Variants in OR7E24 observed in about 807,000 individuals in gnomAD.
OR7E24 encodes olfactory receptor 7E24.
For synonymous variants in OR7E24, 130 were observed against 157.5 expected, an observed-to-expected ratio of 0.83 and a Z score of 1.31; for missense variants, 385 against 410.3, an observed-to-expected ratio of 0.94 and a Z score of 0.53.
the OR7E24 span, among the ~76,000 whole-genome samples, chr19:9,238,123 A>C: frequency 6.6e-6 from 1 of 152,178 alleles, no homozygotes; most frequent in African/African-American, 2.4e-5. Context: ...ATAAAACAAA[A>C]ATTAACCAGG....
the OR7E24 span, chr19:9,235,092 A>T: frequency 1.5e-6 from 1 of 667,962 alleles, no homozygotes; most frequent in Non-Finnish European, 2.6e-6. Context: ...GTGATATTGA[A>T]GAGTGATTGA....
the OR7E24 span, among the ~76,000 whole-genome samples, chr19:9,230,519 C>T: frequency 6.6e-6 from 1 of 152,196 alleles, no homozygotes; most frequent in Non-Finnish European, 1.5e-5. Flanking sequence ...TCTCCACTCT[C>T]TGCCATAAAC....
the OR7E24 span, chr19:9,207,290 T>C: frequency 6.6e-6 from 1 of 152,220 alleles, no homozygotes; most frequent in Non-Finnish European, 1.5e-5. Flanking sequence ...TTTTTAAAAA[T>C]TTGTTTAGTT....
chr19:9,214,228 C>T, the OR7E24 span: 2 of 1,614,144 alleles, frequency 1.2e-6, no homozygotes, highest in South Asian at 2.2e-5. Context: ...CCCAGCAGTG[C>T]CGTGGCCACA....
At chr19:9,243,964 C>G (rs1360534364), upstream of OR7E24, among the ~76,000 whole-genome samples, 7 of 152,190 alleles carry the variant, frequency 4.6e-5, no homozygotes, top group Non-Finnish European at 8.8e-5. Context: ...TGTGCAGGAG[C>G]CTGGTTTCTG....
upstream of OR7E24, among the ~76,000 whole-genome samples, chr19:9,248,549 T>C (rs1318866399): frequency 6.6e-6 from 1 of 152,018 alleles, no homozygotes; most frequent in Non-Finnish European, 1.5e-5. Flanking sequence ...ACCCTTCCCT[T>C]TGGGGCTTCC....
At chr19:9,238,618 T>A in the OR7E24 span, among the ~76,000 whole-genome samples, 1 of 152,164 alleles carries the variant, frequency 6.6e-6, no homozygotes, top group Admixed American at 6.6e-5. Flanking sequence ...TGTAAATAGA[T>A]CTCTTAAAAT....
At chr19:9,231,699 G>GT in the OR7E24 span, among the ~76,000 whole-genome samples, 75 of 147,852 alleles carry the variant, frequency 5.1e-4, no homozygotes, top group Admixed American at 1.1e-3. Flanking sequence ...TGTGGTTAAG[G>GT]TTTTTTTTTT....
chr19:9,246,210 C>T (rs927699414), upstream of OR7E24, among the ~76,000 whole-genome samples: 3 of 151,418 alleles, frequency 2.0e-5, no homozygotes, highest in Non-Finnish European at 4.4e-5. Context: ...GCTGGGATTA[C>T]AGGCACGGGC....
chr19:9,221,195 C>T, the OR7E24 span, among the ~76,000 whole-genome samples: 6 of 150,840 alleles, frequency 4.0e-5, no homozygotes, highest in Non-Finnish European at 8.9e-5. Flanking sequence ...TGACTTCAAC[C>T]CGGGAGGGGG....
chr19:9,214,440 G>C, the OR7E24 span: 1 of 1,613,810 alleles, frequency 6.2e-7, no homozygotes, highest in East Asian at 2.2e-5. Flanking sequence ...CATGATGACC[G>C]TGTAGTGCAG....
At chr19:9,217,017 C>G in the OR7E24 span, among the ~76,000 whole-genome samples, 1 of 152,228 alleles carries the variant, frequency 6.6e-6, no homozygotes, top group African/African-American at 2.4e-5. Context: ...TACAACAGGT[C>G]TGTTACGTCT....
the OR7E24 span, among the ~76,000 whole-genome samples, chr19:9,238,603 T>C: frequency 0.11 from 16,162 of 152,202 alleles, 1,113 homozygotes; most frequent in African/African-American, 0.19. Context: ...ATATTCATCA[T>C]AAAGTGTAAA....
chr19:9,234,714 A>G, the OR7E24 span, among the ~76,000 whole-genome samples: 1 of 152,244 alleles, frequency 6.6e-6, no homozygotes, highest in Admixed American at 6.5e-5. Context: ...TGAGGTATCC[A>G]TGAAAACTAA....
At chr19:9,239,580 C>T in the OR7E24 span, among the ~76,000 whole-genome samples, 1 of 152,094 alleles carries the variant, frequency 6.6e-6, no homozygotes, top group South Asian at 2.1e-4. Context: ...TTTTCATATA[C>T]CTGTTAATTT....
At chr19:9,215,973 C>T in the OR7E24 span, among the ~76,000 whole-genome samples, 45 of 152,132 alleles carry the variant, frequency 3.0e-4, 2 homozygotes, top group African/African-American at 9.6e-4. Flanking sequence ...CTTATAATCA[C>T]GGTGGAAGGC....
the OR7E24 span, chr19:9,208,185 G>T: frequency 6.6e-6 from 1 of 151,978 alleles, no homozygotes; most frequent in Non-Finnish European, 1.5e-5. Flanking sequence ...TACAAGGACC[G>T]CCCACCACGC....
chr19:9,227,749 C>CTTTTTTTTT, the OR7E24 span, among the ~76,000 whole-genome samples: 28 of 107,904 alleles, frequency 2.6e-4, 1 homozygote, highest in East Asian at 3.8e-3. Context: ...AATGGTATTT[C>CTTTTTTTTT]TTTTTTTTTT....
the OR7E24 span, among the ~76,000 whole-genome samples, chr19:9,229,027 C>T: frequency 6.6e-6 from 1 of 152,128 alleles, no homozygotes; most frequent in East Asian, 1.9e-4. Context: ...TTTCAAAACT[C>T]ATCATGTGTA....
Sources: allele counts gnomAD v4.1 joint callset (sites outside exome capture counted in the v4.1 genomes callset), GRCh38; gene constraint gnomAD v4.1.1; transcripts MANE v1.5; gene names NCBI Gene and HGNC (gene_info 2026-07-23, HGNC 2026-07-21).